The following PPP1R9A variants were observed in gnomAD, a reference collection of about 807,000 sequenced individuals.
PPP1R9A encodes protein phosphatase 1 regulatory subunit 9A.
A neutral mutation model predicts 141.9 loss-of-function variants in PPP1R9A; 59 were observed. The observed-to-expected ratio is 0.42, with a 90% CI of 0.34 to 0.52. The LOEUF is 0.52. Among genes scored for constraint, PPP1R9A ranks in the 20% least tolerant of loss-of-function variants. PPP1R9A has a pLI of 0.10. For missense variants in PPP1R9A, 1,444 were observed against 1,611.9 expected, an observed-to-expected ratio of 0.90 and a Z score of 1.78; for synonymous variants, 500 against 569.7, an observed-to-expected ratio of 0.88 and a Z score of 1.74.
At chr7:95,090,314 A>G (rs1261598368) in intron 2 of PPP1R9A, among the ~76,000 whole-genome samples, 1 of 151,982 alleles carries the variant, frequency 6.6e-6, no homozygotes, top group Non-Finnish European at 1.5e-5. Context: ...TAGTCTCATC[A>G]TTGTAAACAT....
chr7:95,073,106 C>T (rs114307382), intron 2 of PPP1R9A, among the ~76,000 whole-genome samples: 1,978 of 149,702 alleles, frequency 0.013, 48 homozygotes, highest in African/African-American at 0.047. Flanking sequence ...CTGCCTTATC[C>T]TCCTGAGTTT....
intron 2 of PPP1R9A, among the ~76,000 whole-genome samples, chr7:95,031,513 A>G (rs1380424781): frequency 6.6e-6 from 1 of 152,148 alleles, no homozygotes; most frequent in Non-Finnish European, 1.5e-5. Flanking sequence ...CGAGTACTTT[A>G]GGAGTTTCAG....
chr7:95,091,336 T>TA (rs1277428947), intron 2 of PPP1R9A, among the ~76,000 whole-genome samples: 2 of 132,652 alleles, frequency 1.5e-5, no homozygotes, highest in African/African-American at 2.8e-5. Flanking sequence ...TTGTTTTAAC[T>TA]CTTTTTTTTT....
intron 2 of PPP1R9A, among the ~76,000 whole-genome samples, chr7:95,056,284 G>T (rs1478386166): frequency 6.6e-6 from 1 of 152,052 alleles, no homozygotes; most frequent in African/African-American, 2.4e-5. Flanking sequence ...AGTGAATTTG[G>T]TATTTTTCTT....
At chr7:95,260,447 G>A (rs773874884) in intron 12 of PPP1R9A, among the ~76,000 whole-genome samples, 2 of 152,202 alleles carry the variant, frequency 1.3e-5, no homozygotes, top group Non-Finnish European at 2.9e-5. Context: ...GGGAGGCCAA[G>A]GCGGGTGGAT....
chr7:94,980,006 A>T (rs1019141528), intron 2 of PPP1R9A, among the ~76,000 whole-genome samples: 4 of 152,124 alleles, frequency 2.6e-5, no homozygotes, highest in African/African-American at 7.2e-5. Flanking sequence ...ATAATTGTCT[A>T]GACTAATGCT....
chr7:95,139,137 G>A (rs955153793), intron 4 of PPP1R9A, among the ~76,000 whole-genome samples: 2 of 152,114 alleles, frequency 1.3e-5, no homozygotes, highest in African/African-American at 4.8e-5. Flanking sequence ...CCCAAGGCTG[G>A]GTAATTGATA....
At chr7:95,033,360 C>T (rs1016539932) in intron 2 of PPP1R9A, among the ~76,000 whole-genome samples, 12 of 151,962 alleles carry the variant, frequency 7.9e-5, no homozygotes, top group Middle Eastern at 3.4e-3. Flanking sequence ...GTCTATTTTT[C>T]ATTCTAGTGA....
intron 2 of PPP1R9A, among the ~76,000 whole-genome samples, chr7:95,028,709 T>C (rs1000020099): frequency 6.6e-6 from 1 of 152,238 alleles, no homozygotes; most frequent in African/African-American, 2.4e-5. Flanking sequence ...TACTCTATTA[T>C]GCTTGTTACG....
intron 2 of PPP1R9A, among the ~76,000 whole-genome samples, chr7:95,035,271 A>G (rs1054360104): frequency 3.9e-5 from 6 of 152,190 alleles, no homozygotes; most frequent in Non-Finnish European, 7.4e-5. Flanking sequence ...TTTTTCCTAT[A>G]GTAAAGAGAA....
chr7:95,133,516 TATA>T (rs1825052310), intron 4 of PPP1R9A, among the ~76,000 whole-genome samples: 1 of 25,124 alleles, frequency 4.0e-5, no homozygotes, highest in South Asian at 4.1e-3. Context: ...AGTCGTATTA[TATA>T]TATATATATA....
intron 7 of PPP1R9A, among the ~76,000 whole-genome samples, chr7:95,224,441 C>T (rs556422843): frequency 9.2e-5 from 14 of 152,200 alleles, no homozygotes; most frequent in African/African-American, 3.4e-4. Flanking sequence ...GATGCTGTGG[C>T]AGTGTGTTCA....
At chr7:95,281,496 G>A (rs75476321) in intron 16 of PPP1R9A, among the ~76,000 whole-genome samples, 1,863 of 152,244 alleles carry the variant, frequency 0.012, 13 homozygotes, top group Non-Finnish European at 0.018. Context: ...ACCCTCCTCA[G>A]TGCTGGATGC....
intron 2 of PPP1R9A, among the ~76,000 whole-genome samples, chr7:94,980,032 G>A (rs545125250): frequency 1.2e-4 from 18 of 152,102 alleles, no homozygotes; most frequent in South Asian, 4.1e-4. Flanking sequence ...TACCATTGGC[G>A]TAATTGTCTA....
At chr7:95,214,714 A>G (rs1323134011) in intron 7 of PPP1R9A, among the ~76,000 whole-genome samples, 3 of 152,152 alleles carry the variant, frequency 2.0e-5, no homozygotes, top group Non-Finnish European at 4.4e-5. Context: ...TCTGGAGTAT[A>G]CTTTCTAAAA....
chr7:95,186,407 G>A (rs532243179), intron 5 of PPP1R9A, among the ~76,000 whole-genome samples: 1 of 152,098 alleles, frequency 6.6e-6, no homozygotes, highest in Non-Finnish European at 1.5e-5. Flanking sequence ...AGATCCAGGA[G>A]CTTTTTGAAT....
chr7:95,189,608 T>C (rs1275412901), intron 5 of PPP1R9A, among the ~76,000 whole-genome samples: 2 of 151,392 alleles, frequency 1.3e-5, no homozygotes, highest in Admixed American at 1.3e-4. Flanking sequence ...GGCTAATTTT[T>C]TGTATTTTTA....
At chr7:95,192,245 C>A (rs1835613909) in intron 5 of PPP1R9A, among the ~76,000 whole-genome samples, 1 of 151,748 alleles carries the variant, frequency 6.6e-6, no homozygotes, top group African/African-American at 2.4e-5. Context: ...GTGTTTATTA[C>A]CTGCTCTCAG....
At position 95,208,672 on chromosome 7, in the gene PPP1R9A, C is replaced by T. The variant is rs1006591233; in HGVS notation, c.1956+4942C>T. Among the ~76,000 whole-genome samples the T allele has an allele frequency of 8.0e-5, 12 of 150,846 alleles. No homozygotes were observed. In the East Asian group the frequency reaches 1.8e-3, roughly 22 times the overall value. ...CTGGGAGGCAGAGCTTGCAGTGAGC[C>T]GAGATCACACCACGGCACTCCATCC... is the stretch of plus-strand genomic sequence containing the variant. On this transcript the variant is annotated intron_variant, in intron 7 of 19. Transcript: ENST00000433360.
Sources: gnomAD v4.1 joint callset for allele counts (sites outside exome capture counted in the v4.1 genomes callset) on GRCh38, gnomAD v4.1.1 for gene constraint, MANE v1.5 for transcripts, NCBI Gene and HGNC (gene_info 2026-07-23, HGNC 2026-07-21) for gene names.